OPRM1: variants seen among roughly 807,000 people sequenced by gnomAD.
The protein encoded by OPRM1 is opioid receptor mu 1, also known as mu-type opioid receptor.
A neutral mutation model predicts 31.8 loss-of-function variants in OPRM1; 27 were observed. The ratio of observed to expected loss-of-function variants is 0.85; its 90% CI spans 0.63 to 1.17. OPRM1 has a LOEUF of 1.17. OPRM1 is among the 50% of genes most tolerant of loss of function. OPRM1 has a pLI of 0.00. For synonymous variants in OPRM1, 196 were observed against 189.9 expected (o/e 1.03, Z -0.26); for missense variants, 536 against 511.1 (o/e 1.05, Z -0.47).
At position 154,031,473 on chromosome 6, in the gene OPRM1, G is replaced by A. The variant is rs577969592; in HGVS notation, c.1-7688G>A. On this transcript the variant is annotated intron_variant, in intron 1 of 5. Transcript: ENST00000434900. The stretch of plus-strand genomic sequence containing the variant: ...TTATTGGCTGGGTGCGGTGGCTCAC[G>A]CCTGTAATCCTAGCACTTTGAGAGA... 1.4e-4 allele frequency among the ~76,000 whole-genome samples: 21 copies of A among 152,204 alleles called. No individual in the cohort carries two copies. In the East Asian group the frequency reaches 1.7e-3, roughly 13 times the overall value.
At chr6:154,215,464 G>A in intron 3 of OPRM1, among the ~76,000 whole-genome samples, 1 of 151,966 alleles carries the variant, frequency 6.6e-6, no homozygotes, top group Non-Finnish European at 1.5e-5. Context: ...AAATTAGCCG[G>A]GTGTGGTGGC....
chr6:154,189,388 C>T (rs191169161), intron 3 of OPRM1, among the ~76,000 whole-genome samples: 11 of 151,888 alleles, frequency 7.2e-5, no homozygotes, highest in Non-Finnish European at 5.9e-5. Flanking sequence ...GGTGTATACC[C>T]GTAGAGAAAT....
chr6:154,200,446 T>A (rs1213901315), intron 3 of OPRM1, among the ~76,000 whole-genome samples: 1 of 152,132 alleles, frequency 6.6e-6, no homozygotes, highest in East Asian at 1.9e-4. Flanking sequence ...AGAGGCTGGG[T>A]GCGATGGCTC....
At chr6:154,037,947 A>G (rs1157383416), upstream of OPRM1, among the ~76,000 whole-genome samples, 1 of 152,128 alleles carries the variant, frequency 6.6e-6, no homozygotes, top group African/African-American at 2.4e-5. Flanking sequence ...TCAATATAAG[A>G]GAATTGTTAC....
intron 3 of OPRM1, chr6:154,107,505 C>T (rs1399996588): frequency 1.4e-6 from 1 of 718,572 alleles, no homozygotes; most frequent in East Asian, 2.7e-5. Context: ...AATGCAAAGC[C>T]TTGGCCACTG....
At chr6:154,095,051 G>T (rs916469381) in intron 3 of OPRM1, among the ~76,000 whole-genome samples, 3 of 152,220 alleles carry the variant, frequency 2.0e-5, no homozygotes, top group African/African-American at 7.2e-5. Context: ...CAGCACTTTG[G>T]GAGGCCAAGG....
intron 3 of OPRM1, among the ~76,000 whole-genome samples, chr6:154,194,062 G>A (rs998533795): frequency 2.0e-5 from 3 of 152,244 alleles, no homozygotes; most frequent in Admixed American, 6.5e-5. Context: ...CGTACTTAAC[G>A]CCCAGGGCAG....
chr6:154,127,195 A>G lies in OPRM1; in HGVS notation c.*8474A>G, dbSNP rs1195448494. Among the ~76,000 whole-genome samples, 2 of 151,690 alleles carry G rather than the reference A, an allele frequency of 1.3e-5. No homozygotes were observed. The highest frequency in any genetic ancestry group is 2.9e-5 in the Non-Finnish European group (2 of 67,986). On this transcript the variant is annotated 3_prime_UTR_variant, in exon 4 of 4. Transcript: ENST00000330432. ...CTTGAGATGCAGTATTAAATTCTAC[A>G]CTTTTCCTACCATAGTGATACATGT...
intron 1 of OPRM1, among the ~76,000 whole-genome samples, chr6:154,048,294 TTC>T (rs1307666548): frequency 6.6e-6 from 1 of 152,224 alleles, no homozygotes; most frequent in South Asian, 2.1e-4. Flanking sequence ...TTATTTTTCT[TTC>T]TCTCTGTTTT....
At chr6:154,174,060 T>A (rs1447517690) in intron 3 of OPRM1, among the ~76,000 whole-genome samples, 1 of 152,132 alleles carries the variant, frequency 6.6e-6, no homozygotes, top group Non-Finnish European at 1.5e-5. Context: ...GAATTTCATA[T>A]CCAGCCAAAC....
intron 3 of OPRM1, among the ~76,000 whole-genome samples, chr6:154,190,156 C>T (rs1337691305): frequency 6.6e-6 from 1 of 151,980 alleles, no homozygotes; most frequent in East Asian, 1.9e-4. Context: ...AAGACTGTCA[C>T]CAACATCACA....
At chr6:154,237,955 C>G (rs1295590733) in intron 3 of OPRM1, among the ~76,000 whole-genome samples, 1 of 152,114 alleles carries the variant, frequency 6.6e-6, no homozygotes, top group Non-Finnish European at 1.5e-5. Context: ...CTTATGTACT[C>G]TATTTCCTGT....
At chr6:154,198,130 T>C (rs1776771383) in intron 3 of OPRM1, among the ~76,000 whole-genome samples, 1 of 152,186 alleles carries the variant, frequency 6.6e-6, no homozygotes, top group Admixed American at 6.5e-5. Context: ...AGGAATGCAT[T>C]CCTTTCCAAG....
chr6:154,133,742 C>G (rs1797987648), downstream of OPRM1, among the ~76,000 whole-genome samples: 1 of 152,204 alleles, frequency 6.6e-6, no homozygotes, highest in East Asian at 1.9e-4. Flanking sequence ...TTCCATTGAT[C>G]TGTCCATTCT....
intron 3 of OPRM1, among the ~76,000 whole-genome samples, chr6:154,198,169 C>T (rs930570560): frequency 5.9e-5 from 9 of 152,092 alleles, no homozygotes; most frequent in African/African-American, 1.9e-4. Context: ...GAAGAGTTCA[C>T]AACATCAAAA....
intron 1 of OPRM1, among the ~76,000 whole-genome samples, chr6:154,064,382 G>T (rs1302121586): frequency 6.6e-6 from 1 of 151,984 alleles, no homozygotes; most frequent in African/African-American, 2.4e-5. Flanking sequence ...ATATGTTCTG[G>T]ATATTAATCC....
chr6:154,218,813 G>A (rs1339719304), intron 3 of OPRM1, among the ~76,000 whole-genome samples: 1 of 152,122 alleles, frequency 6.6e-6, no homozygotes, highest in East Asian at 1.9e-4. Context: ...AAGTCTAAAG[G>A]TCACTGACAG....
chr6:154,180,414 A>ATATATATATATATATATATATATTTTTTT (rs1241250621), intron 3 of OPRM1, among the ~76,000 whole-genome samples: 1 of 65,268 alleles, frequency 1.5e-5, no homozygotes, highest in African/African-American at 4.8e-5. Flanking sequence ...ATATATATAT[A>ATATATATATATATATATATATATTTTTTT]TTTTTTTTTT....
intron 3 of OPRM1, among the ~76,000 whole-genome samples, chr6:154,170,464 C>G (rs1385228232): frequency 6.6e-6 from 1 of 152,212 alleles, no homozygotes; most frequent in East Asian, 1.9e-4. Context: ...TTTCCCCTAT[C>G]CATCCCAGAA....
Sources: allele counts gnomAD v4.1 joint callset (sites outside exome capture counted in the v4.1 genomes callset), GRCh38; gene constraint gnomAD v4.1.1; transcripts MANE v1.5; gene names NCBI Gene and HGNC (gene_info 2026-07-23, HGNC 2026-07-21).